The following BRD10 variants were observed in gnomAD, a reference collection of about 807,000 sequenced individuals.
BRD10 encodes the protein uncharacterized bromodomain-containing protein 10.
chr9:5,956,193 T>C, the BRD10 span, among the ~76,000 whole-genome samples: 1 of 152,148 alleles, frequency 6.6e-6, no homozygotes, highest in Admixed American at 6.5e-5. Flanking sequence ...GATAGTCCCA[T>C]GAATTTCATC....
the BRD10 span, among the ~76,000 whole-genome samples, chr9:5,895,456 A>G: frequency 0.011 from 1,673 of 152,076 alleles, 24 homozygotes; most frequent in Middle Eastern, 0.02. Context: ...AAAACAATGC[A>G]TCCCTAAGAT....
the BRD10 span, among the ~76,000 whole-genome samples, chr9:5,988,009 C>G: frequency 6.6e-6 from 1 of 152,096 alleles, no homozygotes; most frequent in African/African-American, 2.4e-5. Context: ...TCTGGAGATT[C>G]TCCTGATTTT....
the BRD10 span, among the ~76,000 whole-genome samples, chr9:5,904,638 A>G: frequency 1.3e-5 from 2 of 151,880 alleles, no homozygotes; most frequent in African/African-American, 4.8e-5. Flanking sequence ...ATGCTCATCT[A>G]ATTTTTGTAT....
At chr9:6,007,869 G>T in the BRD10 span, 2 of 1,372,686 alleles carry the variant, frequency 1.5e-6, no homozygotes, top group African/African-American at 1.5e-5. Context: ...GCTTCCTCAC[G>T]GCTCGGCCGC....
chr9:6,003,957 G>T, the BRD10 span, among the ~76,000 whole-genome samples: 2 of 152,108 alleles, frequency 1.3e-5, no homozygotes, highest in Non-Finnish European at 2.9e-5. Context: ...GACTACTCTG[G>T]AAACCACAGT....
chr9:5,946,320 T>C, the BRD10 span, among the ~76,000 whole-genome samples: 1 of 152,058 alleles, frequency 6.6e-6, no homozygotes, highest in African/African-American at 2.4e-5. Flanking sequence ...ATAACCCAGA[T>C]TAAACAATTT....
the BRD10 span, among the ~76,000 whole-genome samples, chr9:5,904,188 T>C: frequency 2.4e-4 from 36 of 152,296 alleles, no homozygotes; most frequent in South Asian, 6.2e-4. Context: ...TGTACATGTA[T>C]GTGTCTTTAT....
At chr9:5,981,451 G>A in the BRD10 span, among the ~76,000 whole-genome samples, 1 of 152,126 alleles carries the variant, frequency 6.6e-6, no homozygotes, top group Non-Finnish European at 1.5e-5. Flanking sequence ...CATGTTTCCT[G>A]GCAGAGGAGA....
chr9:5,989,206 T>C, the BRD10 span, among the ~76,000 whole-genome samples: 1 of 124,472 alleles, frequency 8.0e-6, no homozygotes, highest in Non-Finnish European at 1.6e-5. Flanking sequence ...CACTCCAGCC[T>C]GGGCAACAAG....
At chr9:5,969,087 T>C in the BRD10 span, 8 of 1,613,540 alleles carry the variant, frequency 5.0e-6, no homozygotes, top group East Asian at 4.5e-5. Context: ...CCTACAGCAG[T>C]GTACCACTGT....
chr9:5,961,028 G>C, the BRD10 span, among the ~76,000 whole-genome samples: 1 of 152,170 alleles, frequency 6.6e-6, no homozygotes, highest in East Asian at 1.9e-4. Context: ...TACATATTAA[G>C]GAGTTAGTTT....
At chr9:5,988,093 G>C in the BRD10 span, among the ~76,000 whole-genome samples, 1 of 152,114 alleles carries the variant, frequency 6.6e-6, no homozygotes, top group African/African-American at 2.4e-5. Flanking sequence ...TAATTCACTT[G>C]AGAATGAATA....
At chr9:5,921,918 T>C in the BRD10 span, 3 of 1,613,866 alleles carry the variant, frequency 1.9e-6, no homozygotes, top group Non-Finnish European at 2.5e-6. Context: ...GGGGCAAAGC[T>C]AGCTGGAATG....
At chr9:5,989,687 G>A in the BRD10 span, among the ~76,000 whole-genome samples, 49 of 151,786 alleles carry the variant, frequency 3.2e-4, no homozygotes, top group African/African-American at 1.2e-3. Context: ...GTGCCACCAC[G>A]CCTGGCTAAC....
the BRD10 span, among the ~76,000 whole-genome samples, chr9:5,893,103 T>A: frequency 6.6e-6 from 1 of 152,248 alleles, no homozygotes; most frequent in Non-Finnish European, 1.5e-5. Context: ...ATTAAGCATT[T>A]CTAAATGCTA....
At chr9:5,991,231 CAT>C in the BRD10 span, among the ~76,000 whole-genome samples, 4 of 151,420 alleles carry the variant, frequency 2.6e-5, no homozygotes, top group African/African-American at 9.7e-5. Flanking sequence ...TACTAGATGC[CAT>C]ATGTGTATTA....
chr9:5,994,508 A>G, the BRD10 span, among the ~76,000 whole-genome samples: 3 of 152,292 alleles, frequency 2.0e-5, no homozygotes, highest in Non-Finnish European at 1.5e-5. Flanking sequence ...TTTCCCAGTC[A>G]TTACCTTATT....
chr9:5,944,945 G>C, the BRD10 span: 1 of 1,526,570 alleles, frequency 6.6e-7, no homozygotes, highest in Non-Finnish European at 8.9e-7. Flanking sequence ...AGTTCATCAA[G>C]ATTAGTGCAA....
At chr9:5,942,424 G>A in the BRD10 span, among the ~76,000 whole-genome samples, 1 of 151,968 alleles carries the variant, frequency 6.6e-6, no homozygotes, top group East Asian at 1.9e-4. Context: ...ATAACATAAC[G>A]TAACATAACA....
Sources: allele counts gnomAD v4.1 joint callset (sites outside exome capture counted in the v4.1 genomes callset), GRCh38; gene constraint gnomAD v4.1.1; transcripts MANE v1.5; gene names NCBI Gene and HGNC (gene_info 2026-07-23, HGNC 2026-07-21).